GALNT18: variants seen among roughly 807,000 people sequenced by gnomAD.
GALNT18 encodes polypeptide N-acetylgalactosaminyltransferase 18.
Under a neutral mutation model 69.5 loss-of-function variants are expected in GALNT18, and 44 were observed. The observed-to-expected ratio is 0.63, with a 90% CI of 0.50 to 0.81. The LOEUF is 0.81. Ranked by LOEUF, GALNT18 falls within the 40% of genes least tolerant of loss-of-function variation. GALNT18 has a pLI of 0.00. For missense variants in GALNT18, 715 were observed against 810.0 expected, an observed-to-expected ratio of 0.88 and a Z score of 1.42; for synonymous variants, 364 against 318.2, an observed-to-expected ratio of 1.14 and a Z score of -1.53.
chr11:11,497,622 A>G lies in GALNT18; in HGVS notation c.236-48686T>C, dbSNP rs546417941. On this transcript the variant is annotated intron_variant, in intron 1 of 10. Coordinates refer to ENST00000227756, the MANE Select transcript of GALNT18 (RefSeq NM_198516.3). The surrounding 1 kb of genome is among the most constrained non-coding windows in gnomAD (Gnocchi z 4.2). ...GCATGGCACCAAATAAGCACCAAAC[A>G]CACAGTATTTCCAGTAACAACTCTC... Among the ~76,000 whole-genome samples, 2 of 152,314 alleles carry G rather than the reference A, an allele frequency of 1.3e-5. No individual in the cohort carries two copies. Among genetic ancestry groups the G allele is most frequent in the South Asian group, 4.1e-4 (2 of 4,834 alleles).
rs149725952 is a variant in GALNT18 at position 11,620,034 on chromosome 11, A to G, written c.235+1325T>C. 1.9e-3 allele frequency among the ~76,000 whole-genome samples: 292 copies of G among 151,772 alleles called. 1 individual carries two copies. The highest frequency in any genetic ancestry group is 6.9e-3 in the African/African-American group (284 of 41,370). On this transcript the variant is annotated intron_variant, in intron 1 of 10. Transcript: ENST00000227756. The surrounding 1 kb of genome is among the most constrained non-coding windows in gnomAD (Gnocchi z 6.9). ...AACTATTCTGGACACCTGGGGAAACACCAAATTCAGACGGAGGAGCCATCT... is the reference window on the plus strand; with the variant it reads ...AACTATTCTGGACACCTGGGGAAACGCCAAATTCAGACGGAGGAGCCATCT...
chr11:11,393,981 C>T (rs1020748544), intron 3 of GALNT18, among the ~76,000 whole-genome samples: 9 of 152,126 alleles, frequency 5.9e-5, no homozygotes, highest in African/African-American at 1.7e-4. Flanking sequence ...ACTGGGTGTG[C>T]GGCAGCCCTG....
intron 5 of GALNT18, among the ~76,000 whole-genome samples, chr11:11,374,952 G>A (rs1853707058): frequency 6.6e-6 from 1 of 152,206 alleles, no homozygotes; most frequent in Non-Finnish European, 1.5e-5. Flanking sequence ...CAGTTCTCAT[G>A]TGAAAATGTC....
At chr11:11,485,414 G>A (rs1439563825) in intron 1 of GALNT18, among the ~76,000 whole-genome samples, 2 of 152,170 alleles carry the variant, frequency 1.3e-5, no homozygotes, top group African/African-American at 2.4e-5. Context: ...CATTACTTAT[G>A]TTTACCAGTG....
chr11:11,426,033 T>G (rs1419438111), intron 3 of GALNT18, among the ~76,000 whole-genome samples: 2 of 152,196 alleles, frequency 1.3e-5, no homozygotes, highest in Non-Finnish European at 2.9e-5. Flanking sequence ...ACCATTTTCT[T>G]GATTTGACAA....
rs114500667 is a variant in GALNT18, at chr11:11,466,898, G to A, written c.236-17962C>T. 3.2e-3 allele frequency among the ~76,000 whole-genome samples: 493 copies of A among 152,274 alleles called. 4 individuals are homozygous for A. Among genetic ancestry groups the A allele is most frequent in the African/African-American group, 0.011 (467 of 41,540 alleles). ...CAAAAGGCCTGGCAATAGGACACACGCAGATCAATGAAAGGACCCATTACT... is the reference window on the plus strand; with the variant it reads ...CAAAAGGCCTGGCAATAGGACACACACAGATCAATGAAAGGACCCATTACT... On this transcript the variant is annotated intron_variant, in intron 1 of 10. Coordinates refer to ENST00000227756, the MANE Select transcript of GALNT18 (RefSeq NM_198516.3).
At chr11:11,271,326 T>G (rs192259158) in intron 10 of GALNT18, 36 bp from the exon 11 acceptor site, 7 of 1,596,136 alleles carry the variant, frequency 4.4e-6, no homozygotes, top group Non-Finnish European at 6.0e-6. Flanking sequence ...TCAGAGGGCA[T>G]AGAGGCAACA....
intron 6 of GALNT18, among the ~76,000 whole-genome samples, chr11:11,370,843 C>A (rs1052534156): frequency 6.6e-6 from 1 of 152,170 alleles, no homozygotes; most frequent in Admixed American, 6.5e-5. Flanking sequence ...AGAACACAAG[C>A]GAATGGAGGC....
At chr11:11,478,439 G>A (rs961329684) in intron 1 of GALNT18, among the ~76,000 whole-genome samples, 3 of 152,156 alleles carry the variant, frequency 2.0e-5, no homozygotes, top group African/African-American at 7.2e-5. Context: ...AGGAATTAAC[G>A]CAGGGGTTCA....
intron 9 of GALNT18, among the ~76,000 whole-genome samples, chr11:11,295,268 G>A (rs545572953): frequency 3.3e-5 from 5 of 152,172 alleles, no homozygotes; most frequent in South Asian, 4.2e-4. Flanking sequence ...GGAAAGAGAC[G>A]GCCCACTTTA....
intron 2 of GALNT18, among the ~76,000 whole-genome samples, chr11:11,442,997 A>G (rs1228905312): frequency 6.6e-6 from 1 of 152,196 alleles, no homozygotes; most frequent in Non-Finnish European, 1.5e-5. Flanking sequence ...TAGAGTTGCC[A>G]TGGAAACACA....
At chr11:11,424,447 T>C (rs1855080970) in intron 3 of GALNT18, among the ~76,000 whole-genome samples, 2 of 152,204 alleles carry the variant, frequency 1.3e-5, no homozygotes, top group South Asian at 4.1e-4. Context: ...TTTTAGACCC[T>C]CTGAGACTTA....
At chr11:11,509,830 T>C (rs1230666961) in intron 1 of GALNT18, among the ~76,000 whole-genome samples, 2 of 152,236 alleles carry the variant, frequency 1.3e-5, no homozygotes, top group Non-Finnish European at 2.9e-5. Flanking sequence ...CCATCCTCTG[T>C]GGGAAACTGA....
At chr11:11,570,575 C>A (rs1199611134) in intron 1 of GALNT18, among the ~76,000 whole-genome samples, 3 of 152,248 alleles carry the variant, frequency 2.0e-5, no homozygotes, top group Non-Finnish European at 4.4e-5. Flanking sequence ...CAAACCAGCT[C>A]TTCTTCCTTT....
At chr11:11,281,035 G>A (rs1309267806) in intron 10 of GALNT18, among the ~76,000 whole-genome samples, 2 of 152,156 alleles carry the variant, frequency 1.3e-5, no homozygotes, top group Non-Finnish European at 1.5e-5. Context: ...TGTTGCTGAT[G>A]CTTCTTGAAC....
intron 8 of GALNT18, 64 bp from the exon 9 acceptor site, chr11:11,327,245 C>G: frequency 8.2e-7 from 1 of 1,214,380 alleles, no homozygotes; most frequent in South Asian, 1.2e-5. Context: ...AATGAATTAA[C>G]TCTGGAGAAA....
rs1855486061 is a variant in GALNT18 at position 11,439,377 on chromosome 11, C to CA, written c.429-6591dup. 6.6e-6 allele frequency among the ~76,000 whole-genome samples: 1 copy of CA among 152,130 alleles called. No individual in the cohort carries two copies. The highest frequency in any genetic ancestry group is 2.4e-5 in the African/African-American group (1 of 41,422). On this transcript the variant is annotated intron_variant, in intron 2 of 10. Coordinates refer to ENST00000227756, the MANE Select transcript of GALNT18 (RefSeq NM_198516.3). The surrounding 1 kb of genome is among the most constrained non-coding windows in gnomAD (Gnocchi z 4.4). Reference sequence around the variant, plus strand: ...GTGATTGTGGGCCTTCATCAGCCTTCAAAAAATCCCAACCACCTGTGGTCA... The same window carrying CA: ...GTGATTGTGGGCCTTCATCAGCCTTCAAAAAAATCCCAACCACCTGTGGTCA...
Position 11,586,114 on chromosome 11 carries a change from C to T in GALNT18, c.235+35245G>A, listed in dbSNP as rs1401199965. ...GCTGGCCCCTTGATCTTGGACTTTC[C>T]GGCCTCCAGAACTGTGAAAAATAAA... is the stretch of plus-strand genomic sequence containing the variant. On this transcript the variant is annotated intron_variant, in intron 1 of 10. Coordinates refer to ENST00000227756, the MANE Select transcript of GALNT18 (RefSeq NM_198516.3). The surrounding 1 kb of genome is among the most constrained non-coding windows in gnomAD (Gnocchi z 4.1). Among the ~76,000 whole-genome samples the T allele has an allele frequency of 1.3e-5, 2 of 152,090 alleles. No homozygotes were observed. Among genetic ancestry groups the T allele is most frequent in the African/African-American group, 2.4e-5 (1 of 41,412 alleles).
intron 10 of GALNT18, among the ~76,000 whole-genome samples, chr11:11,278,567 T>C (rs905171618): frequency 6.6e-6 from 1 of 152,114 alleles, no homozygotes; most frequent in African/African-American, 2.4e-5. Context: ...GAGGTCATTA[T>C]GTTAAGTGAA....
Sources: allele counts gnomAD v4.1 joint callset (sites outside exome capture counted in the v4.1 genomes callset), GRCh38; gene constraint gnomAD v4.1.1; non-coding constraint Gnocchi (gnomAD v3.1); transcripts MANE v1.5; gene names NCBI Gene and HGNC (gene_info 2026-07-23, HGNC 2026-07-21).